Variants in PRKAR1B observed in about 807,000 individuals in gnomAD.
The protein encoded by PRKAR1B is protein kinase cAMP-dependent type I regulatory subunit beta, also known as cAMP-dependent protein kinase type I-beta regulatory subunit.
Under a neutral mutation model 46.5 loss-of-function variants are expected in PRKAR1B, and 22 were observed. The ratio of observed to expected loss-of-function variants is 0.47; its 90% CI spans 0.34 to 0.68. The LOEUF is 0.68. PRKAR1B is among the 30% of genes least tolerant of loss of function. The probability of loss-of-function intolerance (pLI) is 0.01; values close to 1 mark genes in which losing one functional copy is unlikely to be tolerated. For synonymous variants in PRKAR1B, 259 were observed against 217.7 expected (o/e 1.19, Z -1.67); for missense variants, 445 against 535.6 (o/e 0.83, Z 1.67).
At chr7:727,142 T>C in intron 1 of PRKAR1B, 68 bp downstream of exon 1, 3 of 1,240,562 alleles carry the variant, frequency 2.4e-6, no homozygotes, top group South Asian at 2.4e-5. Flanking sequence ...TGTGAGGAGC[T>C]GCGCCTGGCG....
At chr7:577,395 T>A (rs1370282246) in intron 9 of PRKAR1B, among the ~76,000 whole-genome samples, 1 of 152,142 alleles carries the variant, frequency 6.6e-6, no homozygotes, top group Non-Finnish European at 1.5e-5. Flanking sequence ...CATTTCCCGA[T>A]GACAGGTACA....
chr7:571,597 G>A (rs556330878), intron 9 of PRKAR1B, among the ~76,000 whole-genome samples: 27 of 152,328 alleles, frequency 1.8e-4, no homozygotes, highest in African/African-American at 3.8e-4. Context: ...CTCCCAGGCC[G>A]CTGCCGCCCC....
chr7:639,004 G>A (rs921998916), intron 4 of PRKAR1B, among the ~76,000 whole-genome samples: 2 of 152,164 alleles, frequency 1.3e-5, no homozygotes, highest in Non-Finnish European at 2.9e-5. Flanking sequence ...CTTGAGCCTG[G>A]GAGGTGAAGG....
intron 4 of PRKAR1B, among the ~76,000 whole-genome samples, chr7:647,674 C>T (rs1436802412): frequency 2.6e-5 from 4 of 151,726 alleles, no homozygotes; most frequent in Admixed American, 2.6e-4. Flanking sequence ...GGCGAGGTGG[C>T]AGGCGCCTGT....
upstream of PRKAR1B, among the ~76,000 whole-genome samples, chr7:728,152 C>T (rs557311019): frequency 3.3e-4 from 50 of 152,294 alleles, no homozygotes; most frequent in Non-Finnish European, 7.2e-4. Context: ...CCGGTCGTTC[C>T]CTTTCCTTAG....
rs928465102 is a variant in PRKAR1B at position 593,374 on chromosome 7, G to A, written c.708+2772C>T. 2.0e-5 allele frequency among the ~76,000 whole-genome samples: 3 copies of A among 152,146 alleles called. No homozygotes were observed. The highest frequency in any genetic ancestry group is 7.2e-5 in the African/African-American group (3 of 41,450). ...GGAGCTCGGGGCCAATACAGAAACA[G>A]ACACCATCCTGCAAATGCTCCCGTC... is the stretch of plus-strand genomic sequence containing the variant. On this transcript the variant is annotated intron_variant, in intron 7 of 10. Coordinates refer to ENST00000537384, the MANE Select transcript of PRKAR1B (RefSeq NM_001164760.2). The surrounding 1 kb of genome is among the most constrained non-coding windows in gnomAD (Gnocchi z 6.1).
At position 593,134 on chromosome 7, in the gene PRKAR1B, C is replaced by A. The variant is rs150332407; in HGVS notation, c.708+3012G>T. On this transcript the variant is annotated intron_variant, in intron 7 of 10. Coordinates refer to ENST00000537384, the MANE Select transcript of PRKAR1B (RefSeq NM_001164760.2). The surrounding 1 kb of genome is among the most constrained non-coding windows in gnomAD (Gnocchi z 6.1). ...GCCTGGGAGCCTAGAGGTGGGGTCA[C>A]CCCATCCTTCCTCGGATAAAACGTG... Among the ~76,000 whole-genome samples, 1 of 152,324 alleles carries A rather than the reference C, an allele frequency of 6.6e-6. No individual in the cohort carries two copies. Among genetic ancestry groups the A allele is most frequent in the Non-Finnish European group, 1.5e-5 (1 of 68,018 alleles).
chr7:609,014 G>A (rs1464377687), intron 4 of PRKAR1B, among the ~76,000 whole-genome samples: 41 of 129,990 alleles, frequency 3.2e-4, no homozygotes, highest in Middle Eastern at 4.2e-3. Context: ...GCTGTAGGGA[G>A]GGCCGGGGGG....
chr7:720,419 T>C lies in PRKAR1B; in HGVS notation c.-23+6791A>G, dbSNP rs145053561. On this transcript the variant is annotated intron_variant, in intron 1 of 10. Coordinates refer to ENST00000537384, the MANE Select transcript of PRKAR1B (RefSeq NM_001164760.2). The stretch of plus-strand genomic sequence containing the variant: ...TTATGGCCCAGGATATGGTATATCT[T>C]GGTCTCTGTTCTGAGGACACTAGAA... Among the ~76,000 whole-genome samples, 45 of 152,366 alleles carry C rather than the reference T, an allele frequency of 3.0e-4. No individual in the cohort carries two copies. In the East Asian group the frequency reaches 7.9e-3, roughly 27 times the overall value.
chr7:667,940 A>T lies in PRKAR1B; in HGVS notation c.440+9289T>A, dbSNP rs898960126. Among the ~76,000 whole-genome samples the T allele has an allele frequency of 1.3e-5, 2 of 152,186 alleles. No individual in the cohort carries two copies. The highest frequency in any genetic ancestry group is 2.9e-5 in the Non-Finnish European group (2 of 68,032). On this transcript the variant is annotated intron_variant, in intron 4 of 10. Transcript: ENST00000537384. This position sits in a 1 kb window ranked among gnomAD's most constrained non-coding sequence, Gnocchi z 4.3. Reference sequence around the variant, plus strand: ...AACCACGTTGCACTATCTTCCTTTAAATCAAAGGTCTTAAACATAATTTCT... The same window carrying T: ...AACCACGTTGCACTATCTTCCTTTATATCAAAGGTCTTAAACATAATTTCT...
chr7:657,726 C>T (rs1431281032), intron 4 of PRKAR1B, among the ~76,000 whole-genome samples: 1 of 152,210 alleles, frequency 6.6e-6, no homozygotes, highest in Non-Finnish European at 1.5e-5. Context: ...CTCTTAGCAA[C>T]TGTTGCTTTT....
chr7:568,860 G>C (rs1191087579), intron 9 of PRKAR1B, among the ~76,000 whole-genome samples: 2 of 152,226 alleles, frequency 1.3e-5, no homozygotes, highest in South Asian at 4.2e-4. Flanking sequence ...TCTCGTCTGG[G>C]AACGCCTGCG....
At chr7:596,328 T>G in intron 6 of PRKAR1B, 24 bp from the exon 7 acceptor site, 2 of 1,593,302 alleles carry the variant, frequency 1.3e-6, no homozygotes, top group Non-Finnish European at 1.7e-6. Flanking sequence ...GAGAGAGAAG[T>G]GTCACGGGGG....
chr7:628,534 G>T (rs895102475), intron 4 of PRKAR1B, among the ~76,000 whole-genome samples: 2 of 152,232 alleles, frequency 1.3e-5, no homozygotes, highest in African/African-American at 4.8e-5. Flanking sequence ...TCCCAGGCCC[G>T]TGTGAGGAAG....
intron 9 of PRKAR1B, among the ~76,000 whole-genome samples, chr7:577,825 T>C (rs1389776170): frequency 6.6e-6 from 1 of 152,200 alleles, no homozygotes; most frequent in Non-Finnish European, 1.5e-5. Context: ...GGAGGTGGAA[T>C]GAACAGCTTT....
At chr7:692,492 G>T (rs1448004222) in intron 2 of PRKAR1B, among the ~76,000 whole-genome samples, 5 of 152,058 alleles carry the variant, frequency 3.3e-5, no homozygotes, top group Non-Finnish European at 7.4e-5. Flanking sequence ...GAAGGCAGGT[G>T]CATCACAAGT....
intron 7 of PRKAR1B, among the ~76,000 whole-genome samples, chr7:594,667 C>A (rs1781165469): frequency 6.6e-6 from 1 of 151,976 alleles, no homozygotes; most frequent in Non-Finnish European, 1.5e-5. Context: ...ATGAGGGGAC[C>A]CCCTAGACCA....
intron 4 of PRKAR1B, among the ~76,000 whole-genome samples, chr7:650,867 C>G (rs1784869548): frequency 6.6e-6 from 1 of 152,224 alleles, no homozygotes; most frequent in Non-Finnish European, 1.5e-5. Context: ...GCCTCCCTCC[C>G]TGCCCGTGCT....
At chr7:674,777 A>G (rs536552977) in intron 4 of PRKAR1B, among the ~76,000 whole-genome samples, 376 of 152,340 alleles carry the variant, frequency 2.5e-3, no homozygotes, top group Admixed American at 4.1e-3. Context: ...CAGCTACTCT[A>G]ACCACTGCTC....
Sources: allele counts gnomAD v4.1 joint callset (sites outside exome capture counted in the v4.1 genomes callset), GRCh38; gene constraint gnomAD v4.1.1; non-coding constraint Gnocchi (gnomAD v3.1); transcripts MANE v1.5; gene names NCBI Gene and HGNC (gene_info 2026-07-23, HGNC 2026-07-21).